Variants in EPHA6 observed in about 807,000 individuals in gnomAD.
The protein encoded by EPHA6 is ephrin type-A receptor 6.
EPHA6 carries 50 observed loss-of-function variants against 112.0 expected under a neutral mutation model. The ratio of observed to expected loss-of-function variants is 0.45; its 90% CI spans 0.36 to 0.56. The LOEUF (loss-of-function observed/expected upper bound fraction) is 0.56, where lower values mean the gene tolerates loss of function less well. Among genes scored for constraint, EPHA6 ranks in the 20% least tolerant of loss-of-function variants. The pLI is 0.00. For synonymous variants in EPHA6, 529 were observed against 490.7 expected, an observed-to-expected ratio of 1.08 and a Z score of -1.03; for missense variants, 1,280 against 1,417.4, an observed-to-expected ratio of 0.90 and a Z score of 1.56.
intron 12 of EPHA6, among the ~76,000 whole-genome samples, chr3:97,608,315 C>T (rs774309894): frequency 4.0e-5 from 6 of 151,142 alleles, no homozygotes; most frequent in Admixed American, 6.6e-5. Flanking sequence ...GAACTAATTT[C>T]GAAGTACTGT....
At position 97,562,304 on chromosome 3, in the gene EPHA6, A is replaced by G. The variant is rs2093203261; in HGVS notation, c.2386+29761A>G. Reference sequence around the variant, plus strand: ...TCTGGAAATGACTCACTATTTTTAGATGCCATTAGGAACATCTGTATTTCA... The same window carrying G: ...TCTGGAAATGACTCACTATTTTTAGGTGCCATTAGGAACATCTGTATTTCA... On this transcript the variant is annotated intron_variant, in intron 11 of 17. Coordinates refer to ENST00000389672, the MANE Select transcript of EPHA6 (RefSeq NM_001080448.3). Among the ~76,000 whole-genome samples the G allele has an allele frequency of 3.3e-5, 5 of 152,194 alleles. No homozygotes were observed. In the South Asian group the frequency reaches 8.3e-4, roughly 25 times the overall value.
intron 5 of EPHA6, among the ~76,000 whole-genome samples, chr3:97,404,173 CAA>C (rs948470029): frequency 2.0e-5 from 3 of 151,950 alleles, no homozygotes; most frequent in African/African-American, 7.3e-5. Context: ...AGAGAGATTC[CAA>C]AAAGCCAAAG....
At chr3:97,469,430 CTCAG>C (rs1319992478) in intron 7 of EPHA6, among the ~76,000 whole-genome samples, 2 of 151,640 alleles carry the variant, frequency 1.3e-5, no homozygotes, top group African/African-American at 4.8e-5. Flanking sequence ...GTATGTGGAC[CTCAG>C]TCAGATGCCT....
chr3:97,277,223 AAG>A (rs1226850245), intron 5 of EPHA6, among the ~76,000 whole-genome samples: 16 of 152,164 alleles, frequency 1.1e-4, no homozygotes, highest in South Asian at 1.0e-3. Flanking sequence ...TGAGTCCGAA[AAG>A]AGAGTCAGCG....
intron 5 of EPHA6, among the ~76,000 whole-genome samples, chr3:97,253,214 T>C (rs914049303): frequency 2.0e-5 from 3 of 152,230 alleles, no homozygotes; most frequent in Non-Finnish European, 4.4e-5. Flanking sequence ...AAGTAATAAA[T>C]GATTAAACAG....
chr3:97,182,402 A>G (rs1377748466), intron 3 of EPHA6, among the ~76,000 whole-genome samples: 1 of 150,982 alleles, frequency 6.6e-6, no homozygotes, highest in Non-Finnish European at 1.5e-5. Flanking sequence ...ACACTTGCTT[A>G]TTTAAAGGGC....
intron 14 of EPHA6, among the ~76,000 whole-genome samples, chr3:97,659,370 G>T (rs957248873): frequency 6.6e-6 from 1 of 151,912 alleles, no homozygotes; most frequent in East Asian, 1.9e-4. Flanking sequence ...ATTTTTAAAT[G>T]CCAATGCTAA....
intron 3 of EPHA6, among the ~76,000 whole-genome samples, chr3:97,093,433 C>T (rs985353327): frequency 6.6e-5 from 10 of 151,894 alleles, no homozygotes; most frequent in Non-Finnish European, 1.5e-4. Context: ...GCCTGTAATC[C>T]CAGCTGCCCA....
chr3:97,185,214 C>T (rs1283273695), intron 3 of EPHA6, among the ~76,000 whole-genome samples: 3 of 151,968 alleles, frequency 2.0e-5, no homozygotes, highest in Non-Finnish European at 2.9e-5. Context: ...AATTGACAAA[C>T]GGGATCTAAT....
intron 6 of EPHA6, chr3:97,441,415 G>A: frequency 1.0e-6 from 1 of 974,472 alleles, no homozygotes; most frequent in Admixed American, 6.2e-5. Context: ...ACAAAATACA[G>A]ACAAACAAAA....
intron 5 of EPHA6, among the ~76,000 whole-genome samples, chr3:97,386,607 G>A (rs1052689365): frequency 1.3e-5 from 2 of 152,174 alleles, no homozygotes; most frequent in African/African-American, 2.4e-5. Flanking sequence ...TTCACAAGCT[G>A]ATATTGAGTG....
intron 3 of EPHA6, among the ~76,000 whole-genome samples, chr3:97,175,676 T>A (rs541517947): frequency 2.0e-5 from 3 of 151,980 alleles, no homozygotes; most frequent in African/African-American, 7.2e-5. Context: ...TTTTCAAAAA[T>A]TTCTTTTTCA....
intron 1 of EPHA6, among the ~76,000 whole-genome samples, chr3:96,861,870 C>T (rs1454410912): frequency 6.6e-6 from 1 of 151,834 alleles, no homozygotes; most frequent in Non-Finnish European, 1.5e-5. Context: ...TTAAAATATT[C>T]CAAGTACAGA....
chr3:97,184,035 G>A (rs536635085), intron 3 of EPHA6, among the ~76,000 whole-genome samples: 56 of 152,132 alleles, frequency 3.7e-4, no homozygotes, highest in African/African-American at 1.3e-3. Context: ...TTTATAGATA[G>A]AATTATAAAA....
intron 3 of EPHA6, among the ~76,000 whole-genome samples, chr3:96,993,369 G>A (rs923274845): frequency 1.1e-4 from 17 of 150,298 alleles, no homozygotes; most frequent in African/African-American, 2.9e-4. Context: ...CGATCTTGCC[G>A]CACTGCAACT....
chr3:97,570,317 C>T (rs1036150347), intron 11 of EPHA6, among the ~76,000 whole-genome samples: 3 of 152,218 alleles, frequency 2.0e-5, no homozygotes, highest in Admixed American at 1.3e-4. Context: ...CACTCCAGGC[C>T]GGAGAAGTGG....
intron 3 of EPHA6, among the ~76,000 whole-genome samples, chr3:97,049,739 C>T (rs2045625547): frequency 6.6e-6 from 1 of 152,256 alleles, no homozygotes; most frequent in South Asian, 2.1e-4. Context: ...GCTATTTCCA[C>T]TCCTGATGCA....
intron 2 of EPHA6, among the ~76,000 whole-genome samples, chr3:96,980,026 C>T (rs1002065856): frequency 6.6e-5 from 10 of 152,130 alleles, no homozygotes; most frequent in Non-Finnish European, 1.2e-4. Flanking sequence ...ATGGTGGTTT[C>T]TTTTGCTGTG....
chr3:97,183,832 G>A (rs1028395861), intron 3 of EPHA6, among the ~76,000 whole-genome samples: 1 of 152,068 alleles, frequency 6.6e-6, no homozygotes, highest in African/African-American at 2.4e-5. Context: ...ACCAATCGAT[G>A]TCTAAGGCAA....
Sources: gnomAD v4.1 joint callset for allele counts (sites outside exome capture counted in the v4.1 genomes callset) on GRCh38, gnomAD v4.1.1 for gene constraint, MANE v1.5 for transcripts, NCBI Gene and HGNC (gene_info 2026-07-23, HGNC 2026-07-21) for gene names.